BRF1: variants seen among roughly 807,000 people sequenced by gnomAD.
BRF1 encodes the protein BRF1 general transcription factor IIIB subunit, also known as transcription factor IIIB 90 kDa subunit.
Under a neutral mutation model 81.7 loss-of-function variants are expected in BRF1, and 59 were observed. The observed-to-expected ratio is 0.72, with a 90% CI of 0.59 to 0.90. BRF1 has a LOEUF of 0.90. Ranked by LOEUF, BRF1 falls within the 40% of genes least tolerant of loss-of-function variation. The pLI is 0.00. For missense variants in BRF1, 1,050 were observed against 936.3 expected (o/e 1.12, Z -1.58); for synonymous variants, 491 against 395.6 (o/e 1.24, Z -2.86).
At chr14:105,303,326 C>T (rs1214444364), upstream of BRF1, among the ~76,000 whole-genome samples, 3 of 152,174 alleles carry the variant, frequency 2.0e-5, no homozygotes, top group Admixed American at 6.5e-5. Context: ...TCACTGTAAC[C>T]TCCACCTCCC....
intron 1 of BRF1, among the ~76,000 whole-genome samples, chr14:105,297,943 C>A (rs1449587613): frequency 2.0e-5 from 3 of 152,192 alleles, no homozygotes; most frequent in East Asian, 1.9e-4. Context: ...TTGCAGTGAG[C>A]CGAGATAGTG....
At chr14:105,229,398 T>C (rs2054343921) in intron 6 of BRF1, among the ~76,000 whole-genome samples, 1 of 152,194 alleles carries the variant, frequency 6.6e-6, no homozygotes, top group Non-Finnish European at 1.5e-5. Flanking sequence ...GTGGACTGAA[T>C]CCTGCAGCGC....
Position 105,300,722 on chromosome 14 carries a change from C to A in BRF1, c.-93G>T. The A allele has an allele frequency of 9.9e-7, 1 of 1,012,050 alleles. No homozygotes were observed. Among genetic ancestry groups the A allele is most frequent in the Non-Finnish European group, 1.3e-6 (1 of 795,364 alleles). 62.7% of individuals were successfully genotyped at this position (1,012,050 alleles called of 1,614,324 possible). On this transcript the variant is annotated 5_prime_UTR_variant, in exon 1 of 18. Transcript: ENST00000547530. ...GCCCGCGCCGCCCGCCCAGGCCCAG[C>A]CGCCCAGGCCTCGCCGCTCTCGCGA...
At chr14:105,263,255 A>AAAAAC (rs1221856859) in intron 3 of BRF1, among the ~76,000 whole-genome samples, 11 of 150,620 alleles carry the variant, frequency 7.3e-5, no homozygotes, top group Non-Finnish European at 1.5e-4. Flanking sequence ...AAAAAAAAAA[A>AAAAAC]GTAGGAGCCT....
chr14:105,241,135 C>T lies in BRF1; in HGVS notation c.694+130G>A, dbSNP rs889016291. On this transcript the variant is annotated intron_variant, in intron 6 of 17. Transcript: ENST00000547530. The stretch of plus-strand genomic sequence containing the variant: ...CCCCGGTGGGCCAGGCCAGAGTCAG[C>T]CCCGGGAGGCTGGAGGCAGCTCTCA... 17 of 1,440,586 alleles carry T rather than the reference C, an allele frequency of 1.2e-5. No homozygotes were observed. The Admixed American group carries it at 1.7e-4, about 14-fold the overall frequency. 89.2% of individuals were successfully genotyped at this position (1,440,586 alleles called of 1,614,324 possible).
At chr14:105,275,403 GGCCAA>G (rs1311837810) in intron 2 of BRF1, among the ~76,000 whole-genome samples, 1 of 152,240 alleles carries the variant, frequency 6.6e-6, no homozygotes, top group Non-Finnish European at 1.5e-5. Flanking sequence ...CTGAGGCCTG[GGCCAA>G]GCCAAGACCC....
intron 1 of BRF1, chr14:105,314,614 C>T (rs1199331288): frequency 7.0e-6 from 1 of 143,774 alleles, no homozygotes; most frequent in Admixed American, 6.9e-5. Context: ...CGATTGGACC[C>T]GAGGCGGCGA....
At chr14:105,216,383 A>C (rs1891309419) in intron 15 of BRF1, among the ~76,000 whole-genome samples, 1 of 152,318 alleles carries the variant, frequency 6.6e-6, no homozygotes, top group African/African-American at 2.4e-5. Flanking sequence ...GAACCGAGCC[A>C]CAGACCTGCC....
rs774142867 is a variant in BRF1 at position 105,286,388 on chromosome 14, A to G, written c.185-12T>C. On this transcript the variant is annotated splice_polypyrimidine_tract_variant and intron_variant, in intron 1 of 17. Transcript: ENST00000547530. ...GGTTTTGCCAGCACCTGGAAACACA[A>G]AAAAAGACAGATCAGCCAAAACTTG... The G allele has an allele frequency of 2.5e-6, 4 of 1,610,556 alleles. No homozygotes were observed. The highest frequency in any genetic ancestry group is 3.4e-5 in the Admixed American group (2 of 59,408).
At chr14:105,222,919 C>T (rs1411107042) in intron 10 of BRF1, among the ~76,000 whole-genome samples, 6 of 152,204 alleles carry the variant, frequency 3.9e-5, no homozygotes, top group South Asian at 4.1e-4. Flanking sequence ...TGAGGCTCTG[C>T]GCCTGGCTGA....
At chr14:105,295,038 T>C (rs2057676330) in intron 1 of BRF1, among the ~76,000 whole-genome samples, 2 of 152,116 alleles carry the variant, frequency 1.3e-5, no homozygotes, top group Admixed American at 1.3e-4. Flanking sequence ...CTCTACATAA[T>C]GTCTTCCAGA....
chr14:105,250,807 G>A, intron 5 of BRF1: 1 of 964,734 alleles, frequency 1.0e-6, no homozygotes, highest in Non-Finnish European at 1.5e-6. Flanking sequence ...GCTTGACTGT[G>A]TAGAGACATT....
intron 16 of BRF1, chr14:105,211,572 A>G: frequency 2.0e-6 from 1 of 490,906 alleles, no homozygotes; most frequent in Non-Finnish European, 3.6e-6. Context: ...GAGCATGCAG[A>G]ACACCTTTCC....
rs370425001 is a variant in BRF1, at chr14:105,222,849, T to C, written c.1049-935A>G. On this transcript the variant is annotated intron_variant, in intron 10 of 17. Transcript: ENST00000547530. Reference sequence around the variant, plus strand: ...TTCACTGTGTTAGCCAGGATGGTCTTGATCTCCTGACCTTGTGATCTGCCC... The same window carrying C: ...TTCACTGTGTTAGCCAGGATGGTCTCGATCTCCTGACCTTGTGATCTGCCC... 1.2e-3 allele frequency among the ~76,000 whole-genome samples: 182 copies of C among 152,286 alleles called. 1 individual carries two copies. The highest frequency in any genetic ancestry group is 3.4e-3 in the Middle Eastern group (1 of 294).
At chr14:105,274,079 G>A (rs2056775912) in intron 2 of BRF1, among the ~76,000 whole-genome samples, 1 of 152,344 alleles carries the variant, frequency 6.6e-6, no homozygotes, top group Admixed American at 6.5e-5. Flanking sequence ...AGACACGTTG[G>A]TAGCAATACT....
chr14:105,247,945 C>T (rs759171747), intron 5 of BRF1: 5 of 985,482 alleles, frequency 5.1e-6, no homozygotes, highest in Non-Finnish European at 6.0e-6. Flanking sequence ...AGCGAGCCTG[C>T]GACTGCGATC....
chr14:105,211,462 G>A, intron 16 of BRF1, 169 bp from the exon 17 acceptor site: 2 of 613,808 alleles, frequency 3.3e-6, no homozygotes, highest in Non-Finnish European at 5.6e-6. Context: ...CTGGCCTCCT[G>A]GGGGCTGTGC....
At chr14:105,301,528 G>T (rs779344645), upstream of BRF1, among the ~76,000 whole-genome samples, 2 of 152,136 alleles carry the variant, frequency 1.3e-5, no homozygotes, top group Admixed American at 1.3e-4. Context: ...CAGGGCAGCT[G>T]CGCTGGGGGG....
intron 5 of BRF1, among the ~76,000 whole-genome samples, chr14:105,244,732 G>A (rs1416061539): frequency 2.0e-5 from 3 of 151,952 alleles, no homozygotes; most frequent in Non-Finnish European, 4.4e-5. Context: ...AAATTTGACA[G>A]ACTGATTAGG....
Sources: gnomAD v4.1 joint callset for allele counts (sites outside exome capture counted in the v4.1 genomes callset) on GRCh38, gnomAD v4.1.1 for gene constraint, MANE v1.5 for transcripts, NCBI Gene and HGNC (gene_info 2026-07-23, HGNC 2026-07-21) for gene names.